CCDC191: variants seen among roughly 807,000 people sequenced by gnomAD.
CCDC191 encodes the protein coiled-coil domain-containing protein 191.
In CCDC191, 99 loss-of-function variants were observed where a neutral mutation model predicts 114.0. That is an observed-to-expected ratio of 0.87 (90% CI 0.74 to 1.03). The LOEUF (loss-of-function observed/expected upper bound fraction) is 1.03. CCDC191 is among the 50% of genes least tolerant of loss of function. The pLI is 0.00. For missense variants in CCDC191, 973 were observed against 1,087.0 expected (o/e 0.90, Z 1.47); for synonymous variants, 351 against 376.0 (o/e 0.93, Z 0.77).
At chr3:113,981,349 C>T (rs955898457) in intron 13 of CCDC191, among the ~76,000 whole-genome samples, 2 of 152,140 alleles carry the variant, frequency 1.3e-5, no homozygotes, top group African/African-American at 4.8e-5. Context: ...TGAGAAAAGA[C>T]ACTCCATGAC....
intron 6 of CCDC191, among the ~76,000 whole-genome samples, chr3:114,033,291 AAGTC>A (rs1401662142): frequency 1.3e-5 from 2 of 152,114 alleles, no homozygotes; most frequent in South Asian, 2.1e-4. Flanking sequence ...CCCAGAAAAA[AAGTC>A]AGTCCTGTTT....
At chr3:113,966,240 C>G (rs1940155946) in intron 16 of CCDC191, among the ~76,000 whole-genome samples, 1 of 152,122 alleles carries the variant, frequency 6.6e-6, no homozygotes, top group Non-Finnish European at 1.5e-5. Flanking sequence ...GAAAAAATAC[C>G]CTAACATCAG....
chr3:114,031,564 T>G, intron 7 of CCDC191, 62 bp downstream of exon 7: 1 of 1,357,438 alleles, frequency 7.4e-7, no homozygotes, highest in Non-Finnish European at 1.0e-6. Flanking sequence ...ATCCCATCTC[T>G]GATGGAGCTC....
chr3:113,969,855 A>T (rs1411949700), intron 16 of CCDC191, among the ~76,000 whole-genome samples: 5 of 152,088 alleles, frequency 3.3e-5, no homozygotes, highest in Non-Finnish European at 7.4e-5. Flanking sequence ...TCATATAAAT[A>T]TTAGGAATTT....
At chr3:114,012,268 C>T (rs865922694) in intron 8 of CCDC191, among the ~76,000 whole-genome samples, 29 of 151,350 alleles carry the variant, frequency 1.9e-4, no homozygotes, top group Admixed American at 2.0e-4. Context: ...TAATATTTAC[C>T]CTTACCACAA....
intron 16 of CCDC191, among the ~76,000 whole-genome samples, chr3:113,970,335 CA>C (rs1940671392): frequency 6.6e-6 from 1 of 151,918 alleles, no homozygotes; most frequent in African/African-American, 2.4e-5. Context: ...AATTTGGATA[CA>C]TTTTTTTTAA....
Position 114,002,476 on chromosome 3 carries a change from T to G in CCDC191, c.2041A>C (p.Lys681Gln), listed in dbSNP as rs147229985. The G allele has an allele frequency of 1.9e-5, 31 of 1,610,048 alleles. No individual in the cohort carries two copies. The African/African-American group carries it at 3.9e-4, about 20-fold the overall frequency. Reference sequence around the variant, plus strand: ...ATTACCAATTTTTCTTCTTCTTGTTTTTTCTTCTTCTCTGCCAAGATCCGC... The same window carrying G: ...ATTACCAATTTTTCTTCTTCTTGTTGTTTCTTCTTCTCTGCCAAGATCCGC... ...CRRILAEKKKKQEEEKLAQLK... is the reference protein window; with the variant it reads ...CRRILAEKKKQQEEEKLAQLK... The change falls in exon 12 of 17, where the codon AAA (lysine) becomes CAA (glutamine). Residue 681 changes from lysine (K) to glutamine (Q), a missense_variant. Physicochemically the swap from Lys to Gln is moderately conservative, Grantham distance 53 (BLOSUM62 1). Transcript: ENST00000295878.
chr3:114,007,049 A>G (rs1413602205), intron 9 of CCDC191, among the ~76,000 whole-genome samples: 1 of 152,208 alleles, frequency 6.6e-6, no homozygotes, highest in African/African-American at 2.4e-5. Flanking sequence ...AATATTTTGT[A>G]TTAGCATATC....
intron 16 of CCDC191, among the ~76,000 whole-genome samples, chr3:113,975,040 A>G (rs1166319780): frequency 2.0e-5 from 3 of 152,194 alleles, no homozygotes; most frequent in African/African-American, 7.2e-5. Context: ...GCTGGGTCCC[A>G]TAAACTCCTT....
At chr3:114,055,465 T>C (rs185008706) in intron 1 of CCDC191, among the ~76,000 whole-genome samples, 1 of 152,362 alleles carries the variant, frequency 6.6e-6, no homozygotes, top group East Asian at 1.9e-4. Flanking sequence ...ATATTTGTCA[T>C]GTGGAATATG....
intron 16 of CCDC191, among the ~76,000 whole-genome samples, chr3:113,977,657 T>C (rs1577328395): frequency 6.6e-6 from 1 of 152,304 alleles, no homozygotes; most frequent in African/African-American, 2.4e-5. Flanking sequence ...ATGTTCATTG[T>C]AAATGTCAGG....
At chr3:114,046,823 A>G in intron 2 of CCDC191, 91 bp from the exon 3 acceptor site, 1 of 1,447,456 alleles carries the variant, frequency 6.9e-7, no homozygotes, top group Non-Finnish European at 9.1e-7. Context: ...CTGATTTTCT[A>G]CCACCTACTA....
intron 16 of CCDC191, among the ~76,000 whole-genome samples, chr3:113,970,049 A>G (rs1425868644): frequency 6.6e-6 from 1 of 152,134 alleles, no homozygotes; most frequent in African/African-American, 2.4e-5. Context: ...AGTTCTCAGT[A>G]TATAGATCTT....
intron 13 of CCDC191, among the ~76,000 whole-genome samples, chr3:113,995,493 A>G (rs1207222828): frequency 6.6e-6 from 1 of 152,210 alleles, no homozygotes; most frequent in African/African-American, 2.4e-5. Flanking sequence ...CCTGTGACAA[A>G]TGAATCTGAT....
chr3:114,039,433 C>T (rs2076531622), intron 4 of CCDC191: 1 of 152,084 alleles, frequency 6.6e-6, no homozygotes, highest in Admixed American at 6.6e-5. Flanking sequence ...TTTCTTGAAC[C>T]CAGGAGTTCA....
chr3:114,045,654 T>C (rs2076619601), intron 3 of CCDC191, among the ~76,000 whole-genome samples: 1 of 152,156 alleles, frequency 6.6e-6, no homozygotes, highest in Non-Finnish European at 1.5e-5. Flanking sequence ...GAAAGCCCTA[T>C]GTGACATACC....
intron 1 of CCDC191, among the ~76,000 whole-genome samples, chr3:114,053,863 G>A (rs184574343): frequency 3.3e-5 from 5 of 152,036 alleles, no homozygotes; most frequent in African/African-American, 1.2e-4. Context: ...TCTTGTCTAG[G>A]TCCACCTTGA....
chr3:114,040,244 T>C (rs2076542726), intron 4 of CCDC191, among the ~76,000 whole-genome samples: 2 of 152,232 alleles, frequency 1.3e-5, no homozygotes, highest in Admixed American at 6.5e-5. Context: ...TAGTAGGCTC[T>C]ATCATCCAGG....
intron 16 of CCDC191, among the ~76,000 whole-genome samples, chr3:113,973,658 A>G (rs1288190370): frequency 6.7e-6 from 1 of 149,336 alleles, no homozygotes; most frequent in African/African-American, 2.5e-5. Context: ...CTCCTGGCCT[A>G]TACCGTTTCT....
Sources: gnomAD v4.1 joint callset for allele counts (sites outside exome capture counted in the v4.1 genomes callset) on GRCh38, gnomAD v4.1.1 for gene constraint, MANE v1.5 for transcripts, NCBI Gene and HGNC (gene_info 2026-07-23, HGNC 2026-07-21) for gene names.